TRDN: variants seen among roughly 807,000 people sequenced by gnomAD.
TRDN encodes triadin in skeletal muscle.
In TRDN, 161 loss-of-function variants were observed where a neutral mutation model predicts 149.7. The observed-to-expected ratio is 1.08, with a 90% CI of 0.95 to 1.23. The LOEUF (loss-of-function observed/expected upper bound fraction) is 1.23, where lower values mean the gene tolerates loss of function less well. TRDN is among the 50% of genes most tolerant of loss of function. TRDN has a pLI of 0.00. For synonymous variants in TRDN, 294 were observed against 250.5 expected, an observed-to-expected ratio of 1.17 and a Z score of -1.64; for missense variants, 896 against 823.5, an observed-to-expected ratio of 1.09 and a Z score of -1.08.
intron 21 of TRDN, among the ~76,000 whole-genome samples, chr6:123,344,973 A>G (rs1439942892): frequency 6.6e-6 from 1 of 152,024 alleles, no homozygotes; most frequent in Non-Finnish European, 1.5e-5. Flanking sequence ...GTGTAGTGGT[A>G]TCTCATTGTT....
intron 2 of TRDN, among the ~76,000 whole-genome samples, chr6:123,557,585 C>T (rs1015419193): frequency 6.6e-6 from 1 of 152,234 alleles, no homozygotes; most frequent in African/African-American, 2.4e-5. Flanking sequence ...AACTCCGGAG[C>T]CGGTCACGGA....
chr6:123,527,434 T>C (rs908790060), intron 5 of TRDN, among the ~76,000 whole-genome samples: 1 of 152,022 alleles, frequency 6.6e-6, no homozygotes, highest in Admixed American at 6.6e-5. Context: ...ATGTGGACCA[T>C]GGGTATCCAT....
At chr6:123,386,444 T>A (rs1781909876) in intron 14 of TRDN, among the ~76,000 whole-genome samples, 1 of 152,180 alleles carries the variant, frequency 6.6e-6, no homozygotes, top group South Asian at 2.1e-4. Context: ...TGGGTGAGAA[T>A]ATCAGATAAC....
At chr6:123,405,044 C>T (rs1773138651) in intron 12 of TRDN, among the ~76,000 whole-genome samples, 2 of 152,196 alleles carry the variant, frequency 1.3e-5, no homozygotes, top group South Asian at 4.1e-4. Context: ...ATTGACATTG[C>T]TTCTGGAGCC....
chr6:123,432,138 G>C (rs1039319138), intron 12 of TRDN, among the ~76,000 whole-genome samples: 1 of 152,128 alleles, frequency 6.6e-6, no homozygotes, highest in African/African-American at 2.4e-5. Flanking sequence ...TCAGTGTAAA[G>C]CTCTAATGGG....
intron 4 of TRDN, among the ~76,000 whole-genome samples, chr6:123,538,095 A>T (rs927536193): frequency 3.3e-5 from 5 of 152,220 alleles, no homozygotes; most frequent in African/African-American, 1.2e-4. Context: ...TTCTTTTAAG[A>T]TGACAATTCT....
intron 24 of TRDN, among the ~76,000 whole-genome samples, chr6:123,284,246 T>C (rs1206741620): frequency 6.6e-6 from 1 of 151,014 alleles, no homozygotes; most frequent in African/African-American, 2.4e-5. Flanking sequence ...TTGATTAACA[T>C]AGATGCAAAA....
chr6:123,524,828 A>T (rs975264872), intron 5 of TRDN, among the ~76,000 whole-genome samples: 1 of 152,126 alleles, frequency 6.6e-6, no homozygotes, highest in African/African-American at 2.4e-5. Context: ...TGATACCTGA[A>T]GATATACAAA....
intron 1 of TRDN, among the ~76,000 whole-genome samples, chr6:123,583,489 A>C (rs1303726103): frequency 6.6e-6 from 1 of 151,578 alleles, no homozygotes; most frequent in East Asian, 1.9e-4. Context: ...GAGCTTGGTG[A>C]GGTGTGTTTT....
At chr6:123,294,827 T>C (rs1778138707) in intron 24 of TRDN, among the ~76,000 whole-genome samples, 1 of 152,146 alleles carries the variant, frequency 6.6e-6, no homozygotes, top group Non-Finnish European at 1.5e-5. Context: ...TTCCAAGCAA[T>C]TCCATCTACT....
chr6:123,305,375 A>T (rs111271871), intron 24 of TRDN, among the ~76,000 whole-genome samples: 70 of 152,264 alleles, frequency 4.6e-4, no homozygotes, highest in African/African-American at 1.4e-3. Context: ...GTAACTCTAT[A>T]TATCATTTTT....
intron 23 of TRDN, among the ~76,000 whole-genome samples, chr6:123,321,877 G>C (rs9490728): frequency 2.0e-5 from 3 of 151,584 alleles, no homozygotes; most frequent in Admixed American, 1.3e-4. Flanking sequence ...AAAAAGACAA[G>C]ATTTCACTGC....
intron 24 of TRDN, among the ~76,000 whole-genome samples, chr6:123,282,261 A>G (rs1377460361): frequency 6.6e-6 from 1 of 151,950 alleles, no homozygotes; most frequent in Non-Finnish European, 1.5e-5. Context: ...TATACATTCT[A>G]TAAGTCTATA....
chr6:123,356,053 C>T (rs957952700), intron 20 of TRDN, among the ~76,000 whole-genome samples: 2 of 151,630 alleles, frequency 1.3e-5, no homozygotes, highest in African/African-American at 4.8e-5. Context: ...AGTAGATAAT[C>T]ATATCATTTG....
intron 10 of TRDN, 171 bp downstream of exon 10, chr6:123,464,735 T>G: frequency 7.2e-7 from 1 of 1,395,256 alleles, no homozygotes; most frequent in Non-Finnish European, 9.3e-7. Flanking sequence ...ATTTTTGGTT[T>G]TCTAAAAGAA....
At chr6:123,403,602 GT>G (rs750580214) in intron 12 of TRDN, among the ~76,000 whole-genome samples, 2 of 152,098 alleles carry the variant, frequency 1.3e-5, no homozygotes. Context: ...ATAGGTATAA[GT>G]ATCTGCCTAG....
At chr6:123,403,828 A>G (rs532878029) in intron 12 of TRDN, among the ~76,000 whole-genome samples, 1 of 152,274 alleles carries the variant, frequency 6.6e-6, no homozygotes, top group African/African-American at 2.4e-5. Context: ...ATAAAAAAAT[A>G]CAGGAGAAAA....
intron 32 of TRDN, among the ~76,000 whole-genome samples, chr6:123,266,964 G>A (rs1422560699): frequency 2.0e-5 from 3 of 148,424 alleles, no homozygotes; most frequent in African/African-American, 7.4e-5. Context: ...AAAATTAGCT[G>A]GGCATGGTGG....
At chr6:123,349,902 G>C (rs1178068806) in intron 21 of TRDN, 8 of 985,104 alleles carry the variant, frequency 8.1e-6, no homozygotes, top group African/African-American at 1.7e-5. Context: ...CTGGTGTTGT[G>C]ACAACGTAAA....
Sources: gnomAD v4.1 joint callset for allele counts (sites outside exome capture counted in the v4.1 genomes callset) on GRCh38, gnomAD v4.1.1 for gene constraint, MANE v1.5 for transcripts, NCBI Gene and HGNC (gene_info 2026-07-23, HGNC 2026-07-21) for gene names.